Variants in EPHB1 observed in about 807,000 individuals in gnomAD.
The protein encoded by EPHB1 is EPH receptor B1, also known as ephrin type-B receptor 1.
Under a neutral mutation model 94.4 loss-of-function variants are expected in EPHB1, and 30 were observed. That is an observed-to-expected ratio of 0.32 (90% CI 0.24 to 0.43). The LOEUF (loss-of-function observed/expected upper bound fraction) is 0.43. Among genes scored for constraint, EPHB1 ranks in the 20% least tolerant of loss-of-function variants. The probability of loss-of-function intolerance (pLI) is 1.00; values close to 1 mark genes in which losing one functional copy is unlikely to be tolerated. For missense variants in EPHB1, 1,055 were observed against 1,308.3 expected (o/e 0.81, Z 2.99); for synonymous variants, 522 against 489.1 (o/e 1.07, Z -0.89).
At chr3:135,248,220 C>A in intron 13 of EPHB1, 96 bp from the exon 14 acceptor site, 1 of 1,210,758 alleles carries the variant, frequency 8.3e-7, no homozygotes, top group Non-Finnish European at 1.1e-6. Flanking sequence ...TCTGAGACAG[C>A]CTGGATCAGG....
chr3:135,113,216 G>T (rs1559835769), intron 4 of EPHB1, among the ~76,000 whole-genome samples: 1 of 152,182 alleles, frequency 6.6e-6, no homozygotes, highest in Non-Finnish European at 1.5e-5. Flanking sequence ...AAAGAAAGGA[G>T]TGTGACTGCA....
At chr3:134,959,379 TC>T (rs1933413351) in intron 3 of EPHB1, among the ~76,000 whole-genome samples, 1 of 152,166 alleles carries the variant, frequency 6.6e-6, no homozygotes. Context: ...AGAACTCAGG[TC>T]TAGGGAGGCC....
At chr3:134,891,942 C>A (rs1439203732) in intron 1 of EPHB1, among the ~76,000 whole-genome samples, 1 of 152,216 alleles carries the variant, frequency 6.6e-6, no homozygotes, top group Non-Finnish European at 1.5e-5. Context: ...TGACCATAGA[C>A]TGCAGCCTCC....
chr3:134,795,777 T>A, intron 1 of EPHB1, 88 bp downstream of exon 1: 1 of 1,406,108 alleles, frequency 7.1e-7, no homozygotes, highest in Non-Finnish European at 1.0e-6. Context: ...TTCCTCTGGC[T>A]GCTTTGCGGT....
At chr3:134,987,410 C>G (rs1188559176) in intron 3 of EPHB1, among the ~76,000 whole-genome samples, 1 of 152,036 alleles carries the variant, frequency 6.6e-6, no homozygotes, top group Non-Finnish European at 1.5e-5. Context: ...GGACTTTAAT[C>G]CAGTGTCTTT....
At chr3:135,174,005 T>C (rs1353985429) in intron 9 of EPHB1, among the ~76,000 whole-genome samples, 1 of 152,204 alleles carries the variant, frequency 6.6e-6, no homozygotes, top group Non-Finnish European at 1.5e-5. Flanking sequence ...ATTTGTCTTG[T>C]CTCTTCTGCT....
intron 4 of EPHB1, among the ~76,000 whole-genome samples, chr3:135,110,857 C>T (rs1207115423): frequency 6.6e-6 from 1 of 152,106 alleles, no homozygotes; most frequent in Non-Finnish European, 1.5e-5. Flanking sequence ...CCAGGCACGA[C>T]AGGGCAGTGG....
chr3:134,953,455 C>G (rs1272687961), intron 3 of EPHB1, among the ~76,000 whole-genome samples: 1 of 152,244 alleles, frequency 6.6e-6, no homozygotes, highest in African/African-American at 2.4e-5. Flanking sequence ...TCAACGTCAA[C>G]AGTTTTAAAA....
chr3:135,162,222 A>G (rs1445406927), intron 7 of EPHB1, 42 bp downstream of exon 7: 4 of 1,517,556 alleles, frequency 2.6e-6, no homozygotes, highest in East Asian at 2.5e-5. Flanking sequence ...CAGGGCAGGC[A>G]GTGTGGGAGA....
chr3:134,851,532 T>C (rs1185407036), intron 1 of EPHB1, among the ~76,000 whole-genome samples: 1 of 152,200 alleles, frequency 6.6e-6, no homozygotes, highest in Non-Finnish European at 1.5e-5. Flanking sequence ...GGACTTTGTA[T>C]GCATTGGTTT....
intron 12 of EPHB1, among the ~76,000 whole-genome samples, chr3:135,217,473 C>CACACAT (rs1354210092): frequency 6.7e-6 from 1 of 149,028 alleles, no homozygotes; most frequent in Non-Finnish European, 1.5e-5. Context: ...CACACGCACA[C>CACACAT]GGGGAGAGAG....
intron 1 of EPHB1, among the ~76,000 whole-genome samples, chr3:134,817,695 G>A (rs1420862958): frequency 6.6e-6 from 1 of 152,236 alleles, no homozygotes; most frequent in East Asian, 1.9e-4. Context: ...TCAGTAAGAG[G>A]TTGTTGAGTA....
chr3:134,906,366 G>C (rs2038328124), intron 1 of EPHB1, among the ~76,000 whole-genome samples: 1 of 152,156 alleles, frequency 6.6e-6, no homozygotes, highest in African/African-American at 2.4e-5. Context: ...CTGGGTTCCA[G>C]CTGGTGATTT....
intron 1 of EPHB1, among the ~76,000 whole-genome samples, chr3:134,802,347 C>T (rs545748377): frequency 5.6e-4 from 74 of 131,948 alleles, no homozygotes; most frequent in Admixed American, 1.7e-3. Flanking sequence ...CTCTGTCTCA[C>T]GAAAAAAAAA....
intron 1 of EPHB1, among the ~76,000 whole-genome samples, chr3:134,905,594 G>C (rs2038305932): frequency 6.6e-6 from 1 of 152,236 alleles, no homozygotes. Flanking sequence ...AAGAGGAAGA[G>C]CAAAGGCAGC....
chr3:135,212,660 ATT>A (rs1943057880), intron 12 of EPHB1, among the ~76,000 whole-genome samples: 1 of 152,146 alleles, frequency 6.6e-6, no homozygotes, highest in South Asian at 2.1e-4. Flanking sequence ...AGCAGCCCTA[ATT>A]GTGCTGAATT....
intron 14 of EPHB1, among the ~76,000 whole-genome samples, 153 bp downstream of exon 14, chr3:135,248,662 AAGAC>A (rs1278980356): frequency 6.6e-6 from 1 of 152,036 alleles, no homozygotes; most frequent in Non-Finnish European, 1.5e-5. Context: ...TGCATGAAGA[AAGAC>A]AGGAGAACAT....
At chr3:135,121,122 A>G (rs1939942517) in intron 4 of EPHB1, among the ~76,000 whole-genome samples, 1 of 152,178 alleles carries the variant, frequency 6.6e-6, no homozygotes. Flanking sequence ...AGTTCAGCAG[A>G]GTATGTGTTG....
At chr3:134,940,858 C>G (rs1056324322) in intron 2 of EPHB1, among the ~76,000 whole-genome samples, 8 of 152,230 alleles carry the variant, frequency 5.3e-5, no homozygotes, top group Non-Finnish European at 1.2e-4. Context: ...GTTTCACCAA[C>G]TCCTAGAATG....
Sources: gnomAD v4.1 joint callset for allele counts (sites outside exome capture counted in the v4.1 genomes callset) on GRCh38, gnomAD v4.1.1 for gene constraint, MANE v1.5 for transcripts, NCBI Gene and HGNC (gene_info 2026-07-23, HGNC 2026-07-21) for gene names.